Variants in INTS7 observed in about 807,000 individuals in gnomAD.
The protein encoded by INTS7 is chromosome 1 open reading frame 73.
In INTS7, 46 loss-of-function variants were observed where a neutral mutation model predicts 109.2. That is an observed-to-expected ratio of 0.42 (90% CI 0.33 to 0.54). INTS7 has a LOEUF of 0.54. Among genes scored for constraint, INTS7 ranks in the 20% least tolerant of loss-of-function variants. The probability of loss-of-function intolerance (pLI) is 0.07; values close to 1 mark genes in which losing one functional copy is unlikely to be tolerated. For synonymous variants in INTS7, 412 were observed against 402.9 expected, an observed-to-expected ratio of 1.02 and a Z score of -0.27; for missense variants, 929 against 1,132.4, an observed-to-expected ratio of 0.82 and a Z score of 2.58.
At chr1:212,023,388 T>C (rs1422261002) in intron 1 of INTS7, among the ~76,000 whole-genome samples, 1 of 152,226 alleles carries the variant, frequency 6.6e-6, no homozygotes, top group East Asian at 1.9e-4. Context: ...AAGCATTCCC[T>C]TTTCTTCACA....
chr1:211,998,229 G>C (rs886272906), intron 7 of INTS7, among the ~76,000 whole-genome samples: 1 of 152,102 alleles, frequency 6.6e-6, no homozygotes, highest in African/African-American at 2.4e-5. Flanking sequence ...CCTCTTAAAA[G>C]CACTGGGATT....
At chr1:212,003,974 G>A (rs1665792530) in intron 7 of INTS7, among the ~76,000 whole-genome samples, 1 of 152,176 alleles carries the variant, frequency 6.6e-6, no homozygotes, top group African/African-American at 2.4e-5. Flanking sequence ...AAACTCAAAT[G>A]TGTGACAAAT....
chr1:211,987,345 G>A (rs1664937478), intron 8 of INTS7, among the ~76,000 whole-genome samples: 1 of 151,790 alleles, frequency 6.6e-6, no homozygotes, highest in African/African-American at 2.4e-5. Flanking sequence ...TGACAAAAAA[G>A]TTTAGCTTTA....
intron 16 of INTS7, among the ~76,000 whole-genome samples, chr1:211,963,678 C>T (rs2102404018): frequency 6.6e-6 from 1 of 152,182 alleles, no homozygotes; most frequent in East Asian, 1.9e-4. Flanking sequence ...AAGGTTGGTT[C>T]AACACATCCA....
rs1350845295 is a variant in INTS7, at chr1:211,941,339, G to C, written c.*485C>G. 6.6e-6 allele frequency: 1 copy of C among 152,634 alleles called. No homozygotes were observed. The highest frequency in any genetic ancestry group is 1.5e-5 in the Non-Finnish European group (1 of 68,390). The allele number at this position is 152,634 out of a possible 1,614,324, so 9.5% of individuals were successfully genotyped here. On this transcript the variant is annotated 3_prime_UTR_variant, in exon 20 of 20. Coordinates refer to ENST00000366994, the MANE Select transcript of INTS7 (RefSeq NM_015434.4). ...CAAGAAAGAACAATCTTTCTGGCCAGGATCCCAGTTATTTTTCAGACAAAA... is the reference window on the plus strand; with the variant it reads ...CAAGAAAGAACAATCTTTCTGGCCACGATCCCAGTTATTTTTCAGACAAAA...
At chr1:211,988,744 G>T (rs1175273150) in intron 7 of INTS7, among the ~76,000 whole-genome samples, 1 of 152,106 alleles carries the variant, frequency 6.6e-6, no homozygotes, top group Non-Finnish European at 1.5e-5. Context: ...TTTTGCTTAG[G>T]AGAGATATGA....
chr1:212,023,542 G>A (rs1666797107), intron 1 of INTS7, among the ~76,000 whole-genome samples: 1 of 152,020 alleles, frequency 6.6e-6, no homozygotes, highest in Admixed American at 6.6e-5. Context: ...CTGCTTGTAT[G>A]TCTTCTTTTG....
At chr1:212,002,809 A>G (rs189722322) in intron 7 of INTS7, among the ~76,000 whole-genome samples, 59 of 152,270 alleles carry the variant, frequency 3.9e-4, no homozygotes, top group Non-Finnish European at 1.6e-4. Flanking sequence ...GCAAATGCAA[A>G]TCCCTACAGG....
chr1:212,035,321 A>G (rs746853249), intron 1 of INTS7, 23 bp downstream of exon 1: 2 of 1,530,614 alleles, frequency 1.3e-6, no homozygotes, highest in East Asian at 2.2e-5. Flanking sequence ...TGTTTCACCC[A>G]TTCAGCCCTC....
Position 212,006,662 on chromosome 1 carries a change from T to A in INTS7, c.856A>T (p.Thr286Ser), listed in dbSNP as rs757916174. Residue 286 changes from threonine (T) to serine (S), a missense_variant, in exon 7 of 20, where the codon ACT becomes TCT. Thr to Ser is a moderately conservative substitution (Grantham distance 58). Coordinates refer to ENST00000366994, the MANE Select transcript of INTS7 (RefSeq NM_015434.4). ...LKLLANKTPH[T>S]WSRENIQALC... is the part of the protein sequence containing the mutation. ...ACCTGAATATTCTCCCTACTCCAAG[T>A]ATGTGGTGTTTTATTAGCAAGTAAT... 1.3e-6 allele frequency: 2 copies of A among 1,568,274 alleles called. No individual in the cohort carries two copies. Among genetic ancestry groups the A allele is most frequent in the Non-Finnish European group, 1.8e-6 (2 of 1,141,180 alleles).
At chr1:211,997,190 T>A (rs1251326885) in intron 7 of INTS7, among the ~76,000 whole-genome samples, 2 of 150,364 alleles carry the variant, frequency 1.3e-5, no homozygotes, top group East Asian at 3.9e-4. Context: ...CAAAAACCTA[T>A]GGAAAAAACA....
intron 3 of INTS7, 99 bp downstream of exon 3, chr1:212,020,023 T>A: frequency 2.4e-6 from 2 of 820,858 alleles, no homozygotes; most frequent in Non-Finnish European, 3.5e-6. Flanking sequence ...CATAAACAAC[T>A]CCTAATACTC....
intron 15 of INTS7, among the ~76,000 whole-genome samples, chr1:211,966,767 T>C (rs1663900261): frequency 6.6e-6 from 1 of 152,190 alleles, no homozygotes; most frequent in Non-Finnish European, 1.5e-5. Flanking sequence ...CGTGATTCAA[T>C]TACAGCAAGT....
At chr1:211,949,431 AAC>A (rs1256761945) in intron 17 of INTS7, among the ~76,000 whole-genome samples, 2 of 152,204 alleles carry the variant, frequency 1.3e-5, no homozygotes, top group Non-Finnish European at 2.9e-5. Context: ...TCAGTTGTGT[AAC>A]TGATCATTCA....
chr1:211,977,273 A>G (rs1172201236), intron 11 of INTS7, among the ~76,000 whole-genome samples: 1 of 152,156 alleles, frequency 6.6e-6, no homozygotes, highest in Non-Finnish European at 1.5e-5. Flanking sequence ...CTTTTTCTTA[A>G]GCTAGATAAT....
chr1:212,029,447 T>C (rs1348921383), intron 1 of INTS7, among the ~76,000 whole-genome samples: 1 of 152,220 alleles, frequency 6.6e-6, no homozygotes, highest in Non-Finnish European at 1.5e-5. Flanking sequence ...ACTTCAACTC[T>C]TCCTTCTTGC....
Position 212,006,769 on chromosome 1 carries a change from G to A in INTS7, c.757-8C>T, listed in dbSNP as rs1665931564. 6.3e-7 allele frequency: 1 copy of A among 1,596,046 alleles called. No homozygotes were observed. Among genetic ancestry groups the A allele is most frequent in the South Asian group, 1.1e-5 (1 of 88,348 alleles). ...CTGCAACAGAAGCTGAATCTATAAAGGAAATAAGTCACTCCATAAACAATA... is the reference window on the plus strand; with the variant it reads ...CTGCAACAGAAGCTGAATCTATAAAAGAAATAAGTCACTCCATAAACAATA... On this transcript the variant is annotated splice_region_variant and splice_polypyrimidine_tract_variant and intron_variant, in intron 6 of 19. Coordinates refer to ENST00000366994, the MANE Select transcript of INTS7 (RefSeq NM_015434.4).
At chr1:212,033,194 GAA>G (rs1667248733) in intron 1 of INTS7, among the ~76,000 whole-genome samples, 1 of 151,934 alleles carries the variant, frequency 6.6e-6, no homozygotes, top group Admixed American at 6.5e-5. Flanking sequence ...GTTTGGGAAC[GAA>G]AAAAAGAGTT....
intron 7 of INTS7, among the ~76,000 whole-genome samples, chr1:211,994,886 G>GA (rs35172363): frequency 0.8 from 120,872 of 151,788 alleles, 48,808 homozygotes; most frequent in African/African-American, 0.91. Context: ...AGTAAGCTGT[G>GA]AATCAACAAA....
Sources: gnomAD v4.1 joint callset for allele counts (sites outside exome capture counted in the v4.1 genomes callset) on GRCh38, gnomAD v4.1.1 for gene constraint, MANE v1.5 for transcripts, NCBI Gene and HGNC (gene_info 2026-07-23, HGNC 2026-07-21) for gene names.